TRIM5: variants seen among roughly 807,000 people sequenced by gnomAD.
The protein encoded by TRIM5 is tripartite motif containing 5.
In TRIM5, 31 loss-of-function variants were observed where a neutral mutation model predicts 35.6. That is an observed-to-expected ratio of 0.87 (90% CI 0.65 to 1.18). The LOEUF (loss-of-function observed/expected upper bound fraction) is 1.18, where lower values mean the gene tolerates loss of function less well. Among genes scored for constraint, TRIM5 ranks in the 50% most tolerant of loss-of-function variants. The pLI, the probability that TRIM5 is intolerant of heterozygous loss-of-function variation, is 0.00. For synonymous variants in TRIM5, 243 were observed against 215.6 expected (o/e 1.13, Z -1.11); for missense variants, 609 against 591.6 (o/e 1.03, Z -0.31).
At chr11:5,609,073 T>A in the TRIM5 span, among the ~76,000 whole-genome samples, 1 of 152,016 alleles carries the variant, frequency 6.6e-6, no homozygotes, top group Non-Finnish European at 1.5e-5. Flanking sequence ...TTGTCTCAAT[T>A]CCAGTAAAAA....
chr11:5,618,872 G>GA, the TRIM5 span, among the ~76,000 whole-genome samples: 3 of 152,178 alleles, frequency 2.0e-5, no homozygotes. Flanking sequence ...ATTTGGGAGA[G>GA]AAACAGTGAC....
the TRIM5 span, among the ~76,000 whole-genome samples, chr11:5,620,543 G>C: frequency 6.6e-6 from 1 of 152,094 alleles, no homozygotes; most frequent in Non-Finnish European, 1.5e-5. Context: ...TGAGTCTCAA[G>C]CTCTTTACAT....
the TRIM5 span, among the ~76,000 whole-genome samples, chr11:5,609,634 A>G: frequency 3.3e-5 from 5 of 152,334 alleles, no homozygotes; most frequent in African/African-American, 1.2e-4. Context: ...TTAAGAAGTT[A>G]AATCTTGGAC....
the TRIM5 span, among the ~76,000 whole-genome samples, chr11:5,628,796 G>A: frequency 1.5e-5 from 2 of 137,692 alleles, no homozygotes; most frequent in African/African-American, 2.5e-5. Context: ...CCAAGATGGC[G>A]GCAAAGTTGA....
chr11:5,593,965 T>C, the TRIM5 span, among the ~76,000 whole-genome samples: 1 of 152,254 alleles, frequency 6.6e-6, no homozygotes, highest in Non-Finnish European at 1.5e-5. Context: ...ATACCACTTG[T>C]TTTTCAATAC....
the TRIM5 span, among the ~76,000 whole-genome samples, chr11:5,595,673 G>A: frequency 6.6e-6 from 1 of 151,650 alleles, no homozygotes; most frequent in African/African-American, 2.4e-5. Flanking sequence ...CGGATTTGCC[G>A]TTCATCAGGT....
At chr11:5,663,084 C>T, downstream of TRIM5, 1 of 317,532 alleles carries the variant, frequency 3.1e-6, no homozygotes, top group Non-Finnish European at 4.5e-6. Flanking sequence ...GAGATCGTGC[C>T]ATTGCACTCC....
rs758805513 is a variant in TRIM5, at chr11:5,664,888, G to T, written c.1403C>A (p.Ser468Tyr). ...GFLIYKFSHC[S>Y]FSQPVFPYLN... Reference sequence around the variant, plus strand: ...ATATGGAAATACAGGCTGAGAAAAAGAACAGTGAGAAAACTTATAGATGAG... The same window carrying T: ...ATATGGAAATACAGGCTGAGAAAAATAACAGTGAGAAAACTTATAGATGAG... Residue 468 changes from serine (S) to tyrosine (Y), a missense_variant, in exon 8 of 8, where the codon TCT (serine) becomes TAT (tyrosine). Coordinates refer to ENST00000380034, the MANE Select transcript of TRIM5 (RefSeq NM_033034.3). The T allele has an allele frequency of 1.3e-5, 21 of 1,613,972 alleles. No individual in the cohort carries two copies. Among genetic ancestry groups the T allele is most frequent in the Non-Finnish European group, 1.8e-5 (21 of 1,179,978 alleles).
intron 4 of TRIM5, among the ~76,000 whole-genome samples, chr11:5,668,769 C>A (rs1851338681): frequency 6.6e-6 from 1 of 152,104 alleles, no homozygotes; most frequent in East Asian, 1.9e-4. Flanking sequence ...CTTAAGGTTG[C>A]TCTCTTTTCA....
At chr11:5,681,657 G>C (rs1194000981) in intron 1 of TRIM5, among the ~76,000 whole-genome samples, 2 of 151,998 alleles carry the variant, frequency 1.3e-5, no homozygotes, top group Non-Finnish European at 1.5e-5. Flanking sequence ...CATAAAACTT[G>C]TTTAATCCTA....
the TRIM5 span, chr11:5,633,689 A>G: frequency 1.0e-6 from 1 of 999,432 alleles, no homozygotes. Flanking sequence ...CACCAGCTTC[A>G]CAGTTTCTGT....
chr11:5,603,156 G>A, the TRIM5 span: 1 of 1,522,334 alleles, frequency 6.6e-7, no homozygotes, highest in South Asian at 1.3e-5. Context: ...CCAGGTGTCT[G>A]ACCTCTTTAT....
At chr11:5,615,594 GTTGTTGT>G in the TRIM5 span, among the ~76,000 whole-genome samples, 3 of 137,502 alleles carry the variant, frequency 2.2e-5, no homozygotes, top group Non-Finnish European at 3.2e-5. Context: ...TTTTGTTGTT[GTTGTTGT>G]TTGTTTGTTT....
chr11:5,662,004 G>T (rs2134003939), downstream of TRIM5, among the ~76,000 whole-genome samples: 1 of 152,314 alleles, frequency 6.6e-6, no homozygotes, highest in South Asian at 2.1e-4. Flanking sequence ...AGCTAGTCCA[G>T]ACTGTTCCCA....
At chr11:5,614,411 C>G in the TRIM5 span, among the ~76,000 whole-genome samples, 262 of 152,262 alleles carry the variant, frequency 1.7e-3, 4 homozygotes, top group South Asian at 0.053. Context: ...AGATGGGATT[C>G]GTAATATCTG....
the TRIM5 span, among the ~76,000 whole-genome samples, chr11:5,623,460 C>T: frequency 4.6e-5 from 7 of 151,638 alleles, no homozygotes; most frequent in East Asian, 1.9e-4. Flanking sequence ...CTCCGCCTCC[C>T]GGGTTCAAGC....
the TRIM5 span, among the ~76,000 whole-genome samples, chr11:5,600,777 C>T: frequency 6.6e-6 from 1 of 152,148 alleles, no homozygotes; most frequent in Non-Finnish European, 1.5e-5. Context: ...TCCCTACGCA[C>T]TGTGGCCTGT....
At chr11:5,644,940 T>A in the TRIM5 span, among the ~76,000 whole-genome samples, 2 of 152,190 alleles carry the variant, frequency 1.3e-5, no homozygotes, top group Non-Finnish European at 2.9e-5. Context: ...GAGATCTGGT[T>A]ATTTAAGAGT....
chr11:5,630,982 C>T, the TRIM5 span, among the ~76,000 whole-genome samples: 1 of 152,222 alleles, frequency 6.6e-6, no homozygotes, highest in South Asian at 2.1e-4. Context: ...GGATTTAACA[C>T]AGACAGAACT....
Sources: allele counts gnomAD v4.1 joint callset (sites outside exome capture counted in the v4.1 genomes callset), GRCh38; gene constraint gnomAD v4.1.1; transcripts MANE v1.5; gene names NCBI Gene and HGNC (gene_info 2026-07-23, HGNC 2026-07-21).